PNPLA8: variants seen among roughly 807,000 people sequenced by gnomAD.
PNPLA8 encodes the protein calcium-independent phospholipase A2-gamma.
In PNPLA8, 39 loss-of-function variants were observed where a neutral mutation model predicts 76.9. The observed-to-expected ratio is 0.51, with a 90% CI of 0.39 to 0.66. The LOEUF (loss-of-function observed/expected upper bound fraction) is 0.66, where lower values mean the gene tolerates loss of function less well. Among genes scored for constraint, PNPLA8 ranks in the 30% least tolerant of loss-of-function variants. PNPLA8 has a pLI of 0.00. For synonymous variants in PNPLA8, 301 were observed against 307.9 expected (o/e 0.98, Z 0.24); for missense variants, 887 against 918.0 (o/e 0.97, Z 0.44).
At chr7:108,507,282 G>C (rs1169660441) in intron 4 of PNPLA8, among the ~76,000 whole-genome samples, 1 of 138,960 alleles carries the variant, frequency 7.2e-6, no homozygotes, top group Non-Finnish European at 1.5e-5. Flanking sequence ...GGTGGAGGTT[G>C]CAGTGAGCTG....
intron 2 of PNPLA8, among the ~76,000 whole-genome samples, chr7:108,520,718 TTA>T (rs1035587816): frequency 9.2e-5 from 14 of 151,968 alleles, no homozygotes; most frequent in African/African-American, 3.4e-4. Flanking sequence ...TATACAAATA[TTA>T]TATATCATTT....
intron 8 of PNPLA8, 149 bp from the exon 9 acceptor site, chr7:108,488,102 T>C: frequency 2.2e-6 from 1 of 446,672 alleles, no homozygotes; most frequent in Non-Finnish European, 4.0e-6. Flanking sequence ...CAGATCTTTT[T>C]AAACAGGCAT....
Position 108,471,679 on chromosome 7 carries a change from C to G in PNPLA8, c.*722G>C, listed in dbSNP as rs1306983236. On this transcript the variant is annotated 3_prime_UTR_variant, in exon 11 of 11. Transcript: ENST00000257694. Reference sequence around the variant, plus strand: ...GATAGGAATATCTCCTCAGTAAGTTCAAACCATTTTATAACAGGGAAGAAT... The same window carrying G: ...GATAGGAATATCTCCTCAGTAAGTTGAAACCATTTTATAACAGGGAAGAAT... The G allele has an allele frequency of 6.6e-6, 1 of 152,100 alleles. No individual in the cohort carries two copies. Among genetic ancestry groups the G allele is most frequent in the Admixed American group, 6.5e-5 (1 of 15,276 alleles). The allele number at this position is 152,100 out of a possible 1,614,324, so 9.4% of individuals were successfully genotyped here.
intron 5 of PNPLA8, among the ~76,000 whole-genome samples, chr7:108,501,321 G>A (rs936058181): frequency 2.6e-5 from 4 of 152,222 alleles, no homozygotes; most frequent in South Asian, 2.1e-4. Context: ...GACTGAGTAG[G>A]AAGCATGGAT....
chr7:108,505,636 G>C (rs1299329371), intron 4 of PNPLA8, among the ~76,000 whole-genome samples: 1 of 151,652 alleles, frequency 6.6e-6, no homozygotes, highest in Non-Finnish European at 1.5e-5. Context: ...GCTAGGATTA[G>C]AGGCCTGAGC....
At chr7:108,484,508 A>C (rs1156958198) in intron 9 of PNPLA8, among the ~76,000 whole-genome samples, 1 of 152,028 alleles carries the variant, frequency 6.6e-6, no homozygotes, top group Non-Finnish European at 1.5e-5. Context: ...TTACAGGTGT[A>C]AGCCACTGTA....
chr7:108,483,002 T>C (rs1272538179), intron 9 of PNPLA8, among the ~76,000 whole-genome samples: 3 of 152,230 alleles, frequency 2.0e-5, no homozygotes, highest in Non-Finnish European at 4.4e-5. Context: ...TCTTCATCTT[T>C]TCACAAATTT....
chr7:108,500,222 G>C (rs1221275733), intron 5 of PNPLA8, among the ~76,000 whole-genome samples: 1 of 152,178 alleles, frequency 6.6e-6, no homozygotes, highest in Non-Finnish European at 1.5e-5. Context: ...TTATGGCAGA[G>C]AGGATTCCTT....
chr7:108,476,157 TTGTTA>T (rs67764737), intron 10 of PNPLA8, among the ~76,000 whole-genome samples: 15,265 of 152,194 alleles, frequency 0.1, 776 homozygotes, highest in Non-Finnish European at 0.11. Context: ...AGCAATGTTG[TTGTTA>T]TATCTTATAA....
intron 8 of PNPLA8, among the ~76,000 whole-genome samples, chr7:108,490,996 G>C (rs1317104657): frequency 1.3e-5 from 2 of 152,050 alleles, no homozygotes; most frequent in Non-Finnish European, 2.9e-5. Flanking sequence ...AATACAATCT[G>C]TAATACCTTA....
chr7:108,516,735 T>C (rs1420028070), intron 2 of PNPLA8, among the ~76,000 whole-genome samples: 2 of 152,126 alleles, frequency 1.3e-5, no homozygotes, highest in Non-Finnish European at 2.9e-5. Context: ...ACCCCATCTC[T>C]ACCAAAAATA....
At chr7:108,526,807 A>C (rs1174347804), upstream of PNPLA8, among the ~76,000 whole-genome samples, 1 of 152,242 alleles carries the variant, frequency 6.6e-6, no homozygotes, top group Non-Finnish European at 1.5e-5. Context: ...GGGGCAAACT[A>C]CAGCCCTCAG....
At chr7:108,506,501 T>C (rs1336786563) in intron 4 of PNPLA8, among the ~76,000 whole-genome samples, 1 of 152,078 alleles carries the variant, frequency 6.6e-6, no homozygotes, top group African/African-American at 2.4e-5. Context: ...TCTACTAACG[T>C]TACAAATATG....
At position 108,491,399 on chromosome 7, in the gene PNPLA8, T is replaced by C. The variant is rs759787869; in HGVS notation, c.1683+11A>G. On this transcript the variant is annotated intron_variant, in intron 8 of 10. Transcript: ENST00000257694. ...GAACTAGGTGTTATATTTAAGAGACTCTAAGCTTACCTTAGGACATGTGGG... is the reference window on the plus strand; with the variant it reads ...GAACTAGGTGTTATATTTAAGAGACCCTAAGCTTACCTTAGGACATGTGGG... 1.9e-6 allele frequency: 3 copies of C among 1,567,370 alleles called. No homozygotes were observed. The South Asian group carries it at 3.3e-5, about 17-fold the overall frequency.
intron 9 of PNPLA8, among the ~76,000 whole-genome samples, chr7:108,485,101 T>C (rs576040927): frequency 4.1e-4 from 63 of 152,338 alleles, no homozygotes; most frequent in Non-Finnish European, 6.6e-4. Context: ...ATAATATGTA[T>C]ATCAGAATTG....
At chr7:108,492,454 T>TG (rs1861250659) in intron 7 of PNPLA8, among the ~76,000 whole-genome samples, 1 of 152,224 alleles carries the variant, frequency 6.6e-6, no homozygotes, top group African/African-American at 2.4e-5. Flanking sequence ...CCTAGGAGCA[T>TG]GCTGATTTCA....
chr7:108,474,511 G>A (rs1270599642), intron 10 of PNPLA8, among the ~76,000 whole-genome samples: 2 of 152,322 alleles, frequency 1.3e-5, no homozygotes, highest in South Asian at 2.1e-4. Context: ...TAGAATAAGT[G>A]AGTTTAGCAA....
chr7:108,481,515 G>T lies in PNPLA8; in HGVS notation c.1879-2136C>A, dbSNP rs115011245. Among the ~76,000 whole-genome samples, 239 of 152,264 alleles carry T rather than the reference G, an allele frequency of 1.6e-3. 1 individual carries two copies. The highest frequency in any genetic ancestry group is 5.4e-3 in the African/African-American group (223 of 41,540). ...TGCCATCCCTTTATCCTCTGCTGAAGTGTCTGTTCAAGTCTTTGGCTCACA... is the reference window on the plus strand; with the variant it reads ...TGCCATCCCTTTATCCTCTGCTGAATTGTCTGTTCAAGTCTTTGGCTCACA... On this transcript the variant is annotated intron_variant, in intron 9 of 10. Coordinates refer to ENST00000257694, the MANE Select transcript of PNPLA8 (RefSeq NM_001256007.3).
intron 8 of PNPLA8, among the ~76,000 whole-genome samples, chr7:108,490,293 G>A (rs1356718945): frequency 4.6e-5 from 7 of 152,116 alleles, no homozygotes; most frequent in Non-Finnish European, 1.0e-4. Flanking sequence ...CAGGTTTATA[G>A]CCTAGGAACT....
Sources: allele counts gnomAD v4.1 joint callset (sites outside exome capture counted in the v4.1 genomes callset), GRCh38; gene constraint gnomAD v4.1.1; transcripts MANE v1.5; gene names NCBI Gene and HGNC (gene_info 2026-07-23, HGNC 2026-07-21).